The following RRP1B variants were observed in gnomAD, a reference collection of about 807,000 sequenced individuals.
RRP1B encodes ribosomal RNA processing 1B.
RRP1B carries 56 observed loss-of-function variants against 80.2 expected under a neutral mutation model. That is an observed-to-expected ratio of 0.70 (90% CI 0.56 to 0.87). RRP1B has a LOEUF of 0.87. Ranked by LOEUF, RRP1B falls within the 40% of genes least tolerant of loss-of-function variation. RRP1B has a pLI of 0.00. For synonymous variants in RRP1B, 351 were observed against 357.6 expected (o/e 0.98, Z 0.21); for missense variants, 807 against 939.8 (o/e 0.86, Z 1.85).
intron 6 of RRP1B, 121 bp downstream of exon 6, chr21:43,675,284 C>A: frequency 1.1e-6 from 1 of 893,956 alleles, no homozygotes; most frequent in Non-Finnish European, 1.7e-6. Flanking sequence ...GCGTGAATTG[C>A]TTCAGTCCTG....
At position 43,688,112 on chromosome 21, in the gene RRP1B, C is replaced by G. The variant is rs2083071673; in HGVS notation, c.1738C>G (p.Leu580Val). 1 of 1,600,422 alleles carries G rather than the reference C, an allele frequency of 6.2e-7. No individual in the cohort carries two copies. Among genetic ancestry groups the G allele is most frequent in the African/African-American group, 1.3e-5 (1 of 74,624 alleles). ...GAAAAAGAAGGCAGGGCCCGGCAGCCTGGAGCTCTGTGGCCTGCCCAGCCA... is the reference window on the plus strand; with the variant it reads ...GAAAAAGAAGGCAGGGCCCGGCAGCGTGGAGCTCTGTGGCCTGCCCAGCCA... ...LQKKKAGPGS[L>V]ELCGLPSQKT... is the part of the protein sequence containing the mutation. Residue 580 changes from leucine (L) to valine (V), a missense_variant, in exon 13 of 16, where the codon CTG (leucine) becomes GTG (valine). Leu to Val is a conservative substitution (Grantham distance 32). Transcript: ENST00000340648.
rs913143813 is a variant in RRP1B at position 43,659,596 on chromosome 21, G to C, written c.-69G>C. 3.8e-6 allele frequency: 5 copies of C among 1,327,492 alleles called. No individual in the cohort carries two copies. The Admixed American group carries it at 2.0e-4, about 53-fold the overall frequency. 82.2% of individuals were successfully genotyped at this position (1,327,492 alleles called of 1,614,324 possible). A position where few individuals can be genotyped will look rare whatever the true frequency, so the allele number is the denominator to read the frequency against. ...CGGCCCGGGCGGACGGTGGCTGGCTGCTCCGCAGCGCTCGGCTGGCTGCAG... is the reference window on the plus strand; with the variant it reads ...CGGCCCGGGCGGACGGTGGCTGGCTCCTCCGCAGCGCTCGGCTGGCTGCAG... On this transcript the variant is annotated 5_prime_UTR_variant, in exon 1 of 16. Coordinates refer to ENST00000340648, the MANE Select transcript of RRP1B (RefSeq NM_015056.3). This position sits in a 1 kb window ranked among gnomAD's most constrained non-coding sequence, Gnocchi z 4.2.
chr21:43,692,605 A>G (rs1289576858), intron 15 of RRP1B, among the ~76,000 whole-genome samples: 1 of 151,276 alleles, frequency 6.6e-6, no homozygotes, highest in Admixed American at 6.6e-5. Context: ...TCCATCTCAA[A>G]AAAAAAAAAA....
rs978076387 is a variant in RRP1B, at chr21:43,689,718, G to A, written c.1867-570G>A. On this transcript the variant is annotated intron_variant, in intron 13 of 15. Coordinates refer to ENST00000340648, the MANE Select transcript of RRP1B (RefSeq NM_015056.3). ...GGCACAGGGAAGGCGCACAGGAGAA[G>A]CTCCTCGGGCTTCCCTGCCCTCCAG... Among the ~76,000 whole-genome samples the A allele has an allele frequency of 9.2e-5, 14 of 152,250 alleles. 1 individual carries two copies. Among genetic ancestry groups the A allele is most frequent in the Non-Finnish European group, 2.1e-4 (14 of 68,040 alleles).
intron 13 of RRP1B, among the ~76,000 whole-genome samples, chr21:43,689,509 C>T (rs780373153): frequency 3.9e-5 from 6 of 152,236 alleles, no homozygotes; most frequent in Admixed American, 6.5e-5. Context: ...CTCACAGTGC[C>T]GCCATCTCCT....
At chr21:43,683,587 T>C (rs1215893265) in intron 9 of RRP1B, among the ~76,000 whole-genome samples, 3 of 152,214 alleles carry the variant, frequency 2.0e-5, no homozygotes, top group Non-Finnish European at 2.9e-5. Context: ...GTAGCACTTA[T>C]TTTGAATGGC....
Position 43,686,921 on chromosome 21 carries a change from TGGAAAA to T in RRP1B, c.1131_1136del (p.Glu379_Lys380del). Reference sequence around the variant, plus strand: ...AATAAACTTTTAGAGAAAACTAACTTGGAAAAGGAGAAAGGTAAGCTGTAAAGCTAA... The same window carrying T: ...AATAAACTTTTAGAGAAAACTAACTTGGAGAAAGGTAAGCTGTAAAGCTAA... On this transcript the variant is annotated inframe_deletion, in exon 12 of 16. Coordinates refer to ENST00000340648, the MANE Select transcript of RRP1B (RefSeq NM_015056.3). 5 of 1,613,542 alleles carry T rather than the reference TGGAAAA, an allele frequency of 3.1e-6. No individual in the cohort carries two copies. The highest frequency in any genetic ancestry group is 4.2e-6 in the Non-Finnish European group (5 of 1,179,904).
chr21:43,683,560 G>C (rs981186330), intron 9 of RRP1B, among the ~76,000 whole-genome samples, 187 bp downstream of exon 9: 1 of 152,148 alleles, frequency 6.6e-6, no homozygotes, highest in Non-Finnish European at 1.5e-5. Flanking sequence ...AAATATGATG[G>C]AGTTTTGAAA....
At position 43,674,636 on chromosome 21, in the gene RRP1B, CT is replaced by C. The variant is rs1380381139; in HGVS notation, c.359del (p.Leu120ArgfsTer6). 2 of 688,066 alleles carry C rather than the reference CT, an allele frequency of 2.9e-6. No homozygotes were observed. Among genetic ancestry groups the C allele is most frequent in the Non-Finnish European group, 3.9e-6 (2 of 519,396 alleles). 42.6% of individuals were successfully genotyped at this position (688,066 alleles called of 1,614,324 possible). ...DRLRLDKYYM[L>X]IRLVLRQSFE... ...TTAAACAAAAATTGCCTTTCTTTAGCTGATTCGTCTGGTCCTGAGGCAGTCC... is the reference window on the plus strand; with the variant it reads ...TTAAACAAAAATTGCCTTTCTTTAGCGATTCGTCTGGTCCTGAGGCAGTCC... On this transcript the variant is annotated frameshift_variant and splice_region_variant, in exon 5 of 16. Transcript: ENST00000340648. LOFTEE classifies it high-confidence loss of function.
At position 43,688,198 on chromosome 21, in the gene RRP1B, CAA is replaced by C; in HGVS notation, c.1825_1826del (p.Asn609ArgfsTer37). ...MRVMSNLVEH[N>X]GVLESEAGQP... ...GAGTGATGTCAAACTTGGTGGAGCA[CAA>C]CGGGGTGCTGGAGTCCGAAGCTGGG... On this transcript the variant is annotated frameshift_variant, in exon 13 of 16. Coordinates refer to ENST00000340648, the MANE Select transcript of RRP1B (RefSeq NM_015056.3). LOFTEE classifies it high-confidence loss of function. The C allele has an allele frequency of 6.4e-7, 1 of 1,574,634 alleles. No individual in the cohort carries two copies. Among genetic ancestry groups the C allele is most frequent in the South Asian group, 1.2e-5 (1 of 86,232 alleles).
rs1190611398 is a variant in RRP1B at position 43,660,417 on chromosome 21, G to T, written c.130+623G>T. On this transcript the variant is annotated intron_variant, in intron 1 of 15. Transcript: ENST00000340648. ...CGGCTCTACTAAAAATACAGAATTA[G>T]CCGGGCATGGTGGCGCATGCCTGTA... 2.6e-5 allele frequency among the ~76,000 whole-genome samples: 4 copies of T among 152,190 alleles called. No individual in the cohort carries two copies. The South Asian group carries it at 8.3e-4, about 32-fold the overall frequency.
chr21:43,692,952 G>A (rs536739384), intron 15 of RRP1B, among the ~76,000 whole-genome samples: 44 of 152,238 alleles, frequency 2.9e-4, no homozygotes, highest in Non-Finnish European at 6.0e-4. Context: ...GCTCCCCTTA[G>A]TCTGTGCAGG....
At chr21:43,673,041 A>G (rs999622728) in intron 3 of RRP1B, among the ~76,000 whole-genome samples, 1 of 152,258 alleles carries the variant, frequency 6.6e-6, no homozygotes, top group Non-Finnish European at 1.5e-5. Flanking sequence ...AAAAAGTGCT[A>G]GTTCTGTGGG....
In RRP1B at chr21:43,690,434, C is replaced by T. The variant is rs1221509399; in HGVS notation, c.2013C>T (p.Ala671=). ...CTGCCACCCACCCTCCAGGCCCTGCCGTCCAGGTACGCACCCTCCCCAGAG... is the reference window on the plus strand; with the variant it reads ...CTGCCACCCACCCTCCAGGCCCTGCTGTCCAGGTACGCACCCTCCCCAGAG... ...SSTATHPPGP[A]VQLNKTPSSS... is the part of the protein sequence containing the mutation. The change falls in exon 14 of 16, where the codon GCC becomes GCT. Residue 671 remains alanine, a synonymous_variant. Coordinates refer to ENST00000340648, the MANE Select transcript of RRP1B (RefSeq NM_015056.3). 11 of 1,613,776 alleles carry T rather than the reference C, an allele frequency of 6.8e-6. No individual in the cohort carries two copies. The highest frequency in any genetic ancestry group is 1.7e-5 in the Admixed American group (1 of 59,990).
intron 15 of RRP1B, among the ~76,000 whole-genome samples, chr21:43,692,645 C>G (rs2083091426): frequency 6.6e-6 from 1 of 151,692 alleles, no homozygotes; most frequent in South Asian, 2.1e-4. Flanking sequence ...GGACCTGACT[C>G]TTGTTGGGAA....
chr21:43,684,053 T>C lies in RRP1B; in HGVS notation c.892-500T>C, dbSNP rs957529393. ...CAATTTTTTTTTTTTAAGAATTGCT[T>C]ACCCAGCTTTTCCCAAGAATAATTT... is the stretch of plus-strand genomic sequence containing the variant. On this transcript the variant is annotated intron_variant, in intron 9 of 15. Transcript: ENST00000340648. 2.0e-5 allele frequency among the ~76,000 whole-genome samples: 3 copies of C among 150,592 alleles called. No homozygotes were observed. The East Asian group carries it at 5.8e-4, about 29-fold the overall frequency.
At chr21:43,681,578 G>A (rs561020411) in intron 8 of RRP1B, among the ~76,000 whole-genome samples, 72 of 152,244 alleles carry the variant, frequency 4.7e-4, no homozygotes, top group African/African-American at 1.6e-3. Context: ...CAGTTGATCC[G>A]CCCGCCTGGG....
intron 8 of RRP1B, among the ~76,000 whole-genome samples, chr21:43,681,685 C>T (rs1476217143): frequency 1.3e-5 from 2 of 152,130 alleles, no homozygotes; most frequent in Non-Finnish European, 2.9e-5. Context: ...GGCACGGTGG[C>T]TCACACCTGT....
chr21:43,680,438 C>G (rs922215801), intron 8 of RRP1B, among the ~76,000 whole-genome samples: 1 of 152,014 alleles, frequency 6.6e-6, no homozygotes, highest in Admixed American at 6.5e-5. Flanking sequence ...GTGGCACATG[C>G]CTGTAACCCC....
Sources: allele counts gnomAD v4.1 joint callset (sites outside exome capture counted in the v4.1 genomes callset), GRCh38; gene constraint gnomAD v4.1.1; non-coding constraint Gnocchi (gnomAD v3.1); transcripts MANE v1.5; gene names NCBI Gene and HGNC (gene_info 2026-07-23, HGNC 2026-07-21).